ABCD2: variants seen among roughly 807,000 people sequenced by gnomAD.
ABCD2 encodes ATP binding cassette subfamily D member 2.
ABCD2 carries 36 observed loss-of-function variants against 70.9 expected under a neutral mutation model. The observed-to-expected ratio is 0.51, with a 90% CI of 0.39 to 0.67. The LOEUF (loss-of-function observed/expected upper bound fraction) is 0.67. Ranked by LOEUF, ABCD2 falls within the 30% of genes least tolerant of loss-of-function variation. The pLI is 0.00. For missense variants in ABCD2, 729 were observed against 890.2 expected, an observed-to-expected ratio of 0.82 and a Z score of 2.30; for synonymous variants, 304 against 306.9, an observed-to-expected ratio of 0.99 and a Z score of 0.10.
Position 39,551,214 on chromosome 12 carries a change from T to C in ABCD2, c.*2698A>G, listed in dbSNP as rs747631966. ...GTAGAAATATAATGCAACGTTTTCA[T>C]AGAATCCAACTTATTTTTCAAGTTT... On this transcript the variant is annotated 3_prime_UTR_variant, in exon 10 of 10. Coordinates refer to ENST00000308666, the MANE Select transcript of ABCD2 (RefSeq NM_005164.4). 2 of 151,730 alleles carry C rather than the reference T, an allele frequency of 1.3e-5. No individual in the cohort carries two copies. Among genetic ancestry groups the C allele is most frequent in the African/African-American group, 4.8e-5 (2 of 41,436 alleles). 9.4% of individuals were successfully genotyped at this position (151,730 alleles called of 1,614,324 possible).
At position 39,579,638 on chromosome 12, in the gene ABCD2, T is replaced by A; in HGVS notation, c.1793-19A>T. ...TCCCATCCTTAAGAAAATAAAAAAATATACATTTTTATAAATCATTTGTTT... is the reference window on the plus strand; with the variant it reads ...TCCCATCCTTAAGAAAATAAAAAAAAATACATTTTTATAAATCATTTGTTT... On this transcript the variant is annotated intron_variant, in intron 7 of 9. Transcript: ENST00000308666. The A allele has an allele frequency of 1.9e-6, 3 of 1,541,068 alleles. No individual in the cohort carries two copies. The South Asian group carries it at 3.5e-5, about 18-fold the overall frequency.
intron 2 of ABCD2, among the ~76,000 whole-genome samples, chr12:39,611,828 G>T (rs1461212893): frequency 6.6e-6 from 1 of 151,622 alleles, no homozygotes; most frequent in Non-Finnish European, 1.5e-5. Flanking sequence ...TGTGTGTGTG[G>T]TGTGCATGTA....
At chr12:39,607,478 C>A in intron 3 of ABCD2, 121 bp downstream of exon 3, 1 of 725,240 alleles carries the variant, frequency 1.4e-6, no homozygotes. Flanking sequence ...TGATTATACG[C>A]AGCAATTTTT....
the ABCD2 span, among the ~76,000 whole-genome samples, chr12:39,542,397 A>T: frequency 1.3e-5 from 2 of 150,560 alleles, no homozygotes; most frequent in East Asian, 4.0e-4. Context: ...CGAGAGGTGG[A>T]GGTTGCAGTG....
intron 7 of ABCD2, among the ~76,000 whole-genome samples, chr12:39,582,416 C>T (rs976503623): frequency 6.6e-6 from 1 of 152,198 alleles, no homozygotes; most frequent in African/African-American, 2.4e-5. Context: ...GTAAATTCCA[C>T]ATAGTAAGCA....
the ABCD2 span, among the ~76,000 whole-genome samples, chr12:39,538,167 C>CTTTTTTTTTTT: frequency 8.4e-5 from 12 of 142,818 alleles, 1 homozygote; most frequent in East Asian, 6.3e-4. Flanking sequence ...CATTTTCTTT[C>CTTTTTTTTTTT]TTTCTTTTTT....
At chr12:39,613,979 T>C (rs1942081662) in intron 2 of ABCD2, among the ~76,000 whole-genome samples, 1 of 152,208 alleles carries the variant, frequency 6.6e-6, no homozygotes, top group Non-Finnish European at 1.5e-5. Context: ...GAATTCCTAA[T>C]CACTTTTGAA....
In ABCD2 at chr12:39,586,146, C is replaced by G; in HGVS notation, c.1792+6G>C. The G allele has an allele frequency of 6.2e-7, 1 of 1,603,542 alleles. No individual in the cohort carries two copies. Among genetic ancestry groups the G allele is most frequent in the Non-Finnish European group, 8.5e-7 (1 of 1,175,324 alleles). Reference sequence around the variant, plus strand: ...AAATGCATTAGAAAAGAATGATAGACTTTACCTCCTTCTCTTTGAACTATG... The same window carrying G: ...AAATGCATTAGAAAAGAATGATAGAGTTTACCTCCTTCTCTTTGAACTATG... On this transcript the variant is annotated splice_donor_region_variant and intron_variant, in intron 7 of 9. Transcript: ENST00000308666.
In ABCD2 at chr12:39,618,975, A is replaced by G; in HGVS notation, c.641T>C (p.Ile214Thr). The G allele has an allele frequency of 6.2e-7, 1 of 1,614,234 alleles. No homozygotes were observed. Among genetic ancestry groups the G allele is most frequent in the Non-Finnish European group, 8.5e-7 (1 of 1,180,042 alleles). Residue 214 changes from isoleucine to threonine, a missense_variant, in exon 1 of 10, where the codon ATT becomes ACT. Physicochemically the swap from Ile to Thr is moderately conservative, Grantham distance 89 (BLOSUM62 -1). Coordinates refer to ENST00000308666, the MANE Select transcript of ABCD2 (RefSeq NM_005164.4). Reference sequence around the variant, plus strand: ...AGCCACAGATTGGGAGAACATCATAATATCCTCCGTAAGAGATTGGTCAGG... The same window carrying G: ...AGCCACAGATTGGGAGAACATCATAGTATCCTCCGTAAGAGATTGGTCAGG... ...ANPDQSLTED[I>T]MMFSQSVAHL...
At chr12:39,566,268 T>A (rs1398037508) in intron 9 of ABCD2, among the ~76,000 whole-genome samples, 2 of 152,202 alleles carry the variant, frequency 1.3e-5, no homozygotes, top group Non-Finnish European at 2.9e-5. Context: ...CTGGAGTTTT[T>A]TTGGTTGGTA....
chr12:39,609,624 A>C (rs926873796), intron 2 of ABCD2, among the ~76,000 whole-genome samples: 1 of 152,178 alleles, frequency 6.6e-6, no homozygotes, highest in African/African-American at 2.4e-5. Flanking sequence ...TTTCCAAACT[A>C]GATATTATAA....
intron 9 of ABCD2, among the ~76,000 whole-genome samples, 162 bp from the exon 10 acceptor site, chr12:39,554,293 T>C (rs1374456788): frequency 3.3e-5 from 5 of 152,192 alleles, no homozygotes; most frequent in Non-Finnish European, 7.4e-5. Context: ...CTGTGATTTT[T>C]TTAAAACCCA....
the ABCD2 span, among the ~76,000 whole-genome samples, chr12:39,542,230 A>G: frequency 0.11 from 17,422 of 152,156 alleles, 1,007 homozygotes; most frequent in East Asian, 0.16. Flanking sequence ...TTGGGAGGCC[A>G]AGGCGGGCGG....
intron 7 of ABCD2, among the ~76,000 whole-genome samples, chr12:39,585,730 T>C (rs1340482636): frequency 6.6e-6 from 1 of 152,122 alleles, no homozygotes; most frequent in Non-Finnish European, 1.5e-5. Context: ...CAAAAAAAGA[T>C]ACTGGTCAGA....
chr12:39,608,762 A>G (rs1942006316), intron 2 of ABCD2, among the ~76,000 whole-genome samples: 1 of 152,124 alleles, frequency 6.6e-6, no homozygotes, highest in Non-Finnish European at 1.5e-5. Context: ...AATAGTATTG[A>G]TCTGGTAATT....
chr12:39,538,105 G>T, the ABCD2 span, among the ~76,000 whole-genome samples: 3 of 151,870 alleles, frequency 2.0e-5, no homozygotes, highest in Non-Finnish European at 2.9e-5. Context: ...TTCTGTAATG[G>T]GGCTCTTGAG....
chr12:39,538,167 C>CTTT, the ABCD2 span, among the ~76,000 whole-genome samples: 40 of 142,818 alleles, frequency 2.8e-4, 4 homozygotes, highest in African/African-American at 7.2e-4. Context: ...CATTTTCTTT[C>CTTT]TTTCTTTTTT....
chr12:39,553,698 A>T lies in ABCD2; in HGVS notation c.*214T>A, dbSNP rs1305729670. 2.0e-6 allele frequency: 1 copy of T among 504,804 alleles called. No homozygotes were observed. The highest frequency in any genetic ancestry group is 1.9e-5 in the African/African-American group (1 of 51,422). The allele number at this position is 504,804 out of a possible 1,614,324, so 31.3% of individuals were successfully genotyped here. On this transcript the variant is annotated 3_prime_UTR_variant, in exon 10 of 10. Transcript: ENST00000308666. ...ACAAGTGCATTAGGCCTTCACTAGG[A>T]ATTAGTATAAGTCATAATGACTGAC...
intron 9 of ABCD2, among the ~76,000 whole-genome samples, chr12:39,561,060 A>G (rs747934524): frequency 6.6e-6 from 1 of 152,110 alleles, no homozygotes; most frequent in Non-Finnish European, 1.5e-5. Flanking sequence ...ACCTATTAAT[A>G]ATTACCTTGA....
Sources: allele counts gnomAD v4.1 joint callset (sites outside exome capture counted in the v4.1 genomes callset), GRCh38; gene constraint gnomAD v4.1.1; transcripts MANE v1.5; gene names NCBI Gene and HGNC (gene_info 2026-07-23, HGNC 2026-07-21).